DDX10: variants seen among roughly 807,000 people sequenced by gnomAD.
The protein encoded by DDX10 is DEAD-box helicase 10.
In DDX10, 74 loss-of-function variants were observed where a neutral mutation model predicts 104.3. The observed-to-expected ratio is 0.71, with a 90% CI of 0.59 to 0.86. The LOEUF is 0.86. DDX10 is among the 40% of genes least tolerant of loss of function. DDX10 has a pLI of 0.00. For synonymous variants in DDX10, 351 were observed against 353.4 expected (o/e 0.99, Z 0.08); for missense variants, 952 against 1,040.0 (o/e 0.92, Z 1.16).
At chr11:108,719,473 A>G (rs544864318) in intron 11 of DDX10, among the ~76,000 whole-genome samples, 37 of 152,204 alleles carry the variant, frequency 2.4e-4, no homozygotes, top group Non-Finnish European at 4.4e-4. Context: ...AGCTTTGAAT[A>G]GATTCCAAAT....
chr11:108,788,136 A>T (rs1269225643), intron 13 of DDX10, among the ~76,000 whole-genome samples: 2 of 152,106 alleles, frequency 1.3e-5, no homozygotes, highest in African/African-American at 4.8e-5. Flanking sequence ...CTGTCATTTC[A>T]TACATCTAAA....
At chr11:108,824,325 C>T (rs1180099715) in intron 13 of DDX10, among the ~76,000 whole-genome samples, 3 of 152,234 alleles carry the variant, frequency 2.0e-5, no homozygotes, top group Non-Finnish European at 4.4e-5. Flanking sequence ...GCCACCGCAC[C>T]TGTCCTGGGA....
chr11:108,751,781 C>G (rs2094339056), intron 13 of DDX10, among the ~76,000 whole-genome samples: 1 of 152,198 alleles, frequency 6.6e-6, no homozygotes, highest in African/African-American at 2.4e-5. Flanking sequence ...TCTGTTATTA[C>G]ATTTGGCAAG....
intron 13 of DDX10, among the ~76,000 whole-genome samples, chr11:108,737,177 C>T (rs2094319413): frequency 1.3e-5 from 2 of 152,142 alleles, no homozygotes; most frequent in Admixed American, 6.6e-5. Context: ...AGTTCTTCCT[C>T]AACACATTAT....
chr11:108,794,148 G>C (rs1420977864), intron 13 of DDX10, among the ~76,000 whole-genome samples: 1 of 152,042 alleles, frequency 6.6e-6, no homozygotes, highest in African/African-American at 2.4e-5. Flanking sequence ...AAACACTGGA[G>C]TGCACACTTC....
chr11:108,677,612 C>T (rs545676966), intron 4 of DDX10, among the ~76,000 whole-genome samples: 4 of 150,890 alleles, frequency 2.7e-5, no homozygotes, highest in South Asian at 2.1e-4. Context: ...ACATCAGCAG[C>T]GTAAGAAAGG....
intron 13 of DDX10, among the ~76,000 whole-genome samples, chr11:108,755,938 T>C (rs1404327582): frequency 6.6e-6 from 1 of 150,984 alleles, no homozygotes; most frequent in Non-Finnish European, 1.5e-5. Context: ...GCCTTTTTCT[T>C]TCTCTCTCTC....
Position 108,687,063 on chromosome 11 carries a change from G to C in DDX10, c.849-1873G>C, listed in dbSNP as rs554328512. ...GCCTCCCAAAGTGCTGGGATTACAG[G>C]CATGAGTCACTGCGCCCGGCCTCAA... On this transcript the variant is annotated intron_variant, in intron 6 of 17. Transcript: ENST00000322536. Among the ~76,000 whole-genome samples the C allele has an allele frequency of 3.9e-5, 6 of 152,290 alleles. No individual in the cohort carries two copies. The East Asian group carries it at 1.2e-3, about 29-fold the overall frequency.
chr11:108,751,755 C>T (rs35396330), intron 13 of DDX10, among the ~76,000 whole-genome samples: 10,278 of 152,232 alleles, frequency 0.068, 392 homozygotes, highest in Middle Eastern at 0.13. Flanking sequence ...TTAAGATTCA[C>T]ATCTCCCATT....
intron 6 of DDX10, among the ~76,000 whole-genome samples, chr11:108,683,158 C>G (rs1173372260): frequency 6.6e-6 from 1 of 152,126 alleles, no homozygotes; most frequent in Non-Finnish European, 1.5e-5. Flanking sequence ...TCTACCAGGG[C>G]CCCTCTGTCT....
rs141309129 is a variant in DDX10, at chr11:108,810,638, A to G, written c.1966-27808A>G. Among the ~76,000 whole-genome samples, 539 of 152,318 alleles carry G rather than the reference A, an allele frequency of 3.5e-3. 5 individuals carry two copies. The highest frequency in any genetic ancestry group is 5.2e-3 in the Non-Finnish European group (353 of 68,030). Reference sequence around the variant, plus strand: ...AATCGACAAGCTTCATCCAAAGTATAAATGTTTATGTTTCAACGGAACCTG... The same window carrying G: ...AATCGACAAGCTTCATCCAAAGTATGAATGTTTATGTTTCAACGGAACCTG... On this transcript the variant is annotated intron_variant, in intron 13 of 17. Transcript: ENST00000322536.
intron 13 of DDX10, among the ~76,000 whole-genome samples, chr11:108,776,796 A>C (rs2094370484): frequency 1.3e-5 from 2 of 152,316 alleles, no homozygotes; most frequent in African/African-American, 2.4e-5. Flanking sequence ...AGGTGGTCTA[A>C]AGAAACTGAG....
At chr11:108,758,593 T>G (rs1264747802) in intron 13 of DDX10, among the ~76,000 whole-genome samples, 1 of 152,090 alleles carries the variant, frequency 6.6e-6, no homozygotes, top group African/African-American at 2.4e-5. Context: ...TGGGAGGCTC[T>G]AGAGGTGTTA....
At chr11:108,708,273 T>A (rs1028719275) in intron 10 of DDX10, among the ~76,000 whole-genome samples, 32 of 149,022 alleles carry the variant, frequency 2.1e-4, no homozygotes, top group South Asian at 4.2e-4. Context: ...ATTTTTTTTT[T>A]AAAATCTGAT....
rs895355378 is a variant in DDX10 at position 108,791,912 on chromosome 11, A to G, written c.1966-46534A>G. Among the ~76,000 whole-genome samples the G allele has an allele frequency of 3.3e-5, 5 of 152,182 alleles. No individual in the cohort carries two copies. In the South Asian group the frequency reaches 8.3e-4, roughly 25 times the overall value. On this transcript the variant is annotated intron_variant, in intron 13 of 17. Coordinates refer to ENST00000322536, the MANE Select transcript of DDX10 (RefSeq NM_004398.4). The stretch of plus-strand genomic sequence containing the variant: ...GCGTATTTGACTTTGCCAGCAGTGT[A>G]TGATAGTTCTAGTTGTTCTTCATCA...
chr11:108,732,433 T>C (rs754277605), intron 13 of DDX10, among the ~76,000 whole-genome samples: 3 of 152,220 alleles, frequency 2.0e-5, no homozygotes, highest in Non-Finnish European at 4.4e-5. Flanking sequence ...TAATTGACAG[T>C]ATTGTAAATA....
Position 108,679,478 on chromosome 11 carries a change from C to G in DDX10, c.766C>G (p.Gln256Glu), listed in dbSNP as rs1195430465. Residue 256 changes from glutamine (Q) to glutamate (E), a missense_variant, in exon 6 of 18, where the codon CAA (glutamine) becomes GAA (glutamate). Coordinates refer to ENST00000322536, the MANE Select transcript of DDX10 (RefSeq NM_004398.4). ...KRQTLLFSAT[Q>E]TKSVKDLARL... ...TCAGACTTTACTTTTCTCAGCAACA[C>G]AAACTAAATCTGTAAAGGACCTTGC... 1 of 1,613,820 alleles carries G rather than the reference C, an allele frequency of 6.2e-7. No individual in the cohort carries two copies. Among genetic ancestry groups the G allele is most frequent in the African/African-American group, 1.3e-5 (1 of 74,908 alleles).
intron 13 of DDX10, among the ~76,000 whole-genome samples, chr11:108,751,709 G>A (rs918893691): frequency 1.3e-5 from 2 of 152,158 alleles, no homozygotes; most frequent in African/African-American, 4.8e-5. Context: ...AATTGTGTGA[G>A]TAGTTCGATA....
At chr11:108,677,908 G>T (rs567167266) in intron 4 of DDX10, among the ~76,000 whole-genome samples, 2 of 151,930 alleles carry the variant, frequency 1.3e-5, no homozygotes, top group East Asian at 3.9e-4. Context: ...AGAGAACCTC[G>T]GCTTTTTTCA....
Sources: allele counts gnomAD v4.1 joint callset (sites outside exome capture counted in the v4.1 genomes callset), GRCh38; gene constraint gnomAD v4.1.1; transcripts MANE v1.5; gene names NCBI Gene and HGNC (gene_info 2026-07-23, HGNC 2026-07-21).